IFT43: variants seen among roughly 807,000 people sequenced by gnomAD.
IFT43 encodes the protein intraflagellar transport protein 43 homolog.
Under a neutral mutation model 32.3 loss-of-function variants are expected in IFT43, and 33 were observed. That is an observed-to-expected ratio of 1.02 (90% CI 0.77 to 1.37). The LOEUF (loss-of-function observed/expected upper bound fraction) is 1.37, where lower values mean the gene tolerates loss of function less well. Among genes scored for constraint, IFT43 ranks in the 40% most tolerant of loss-of-function variants. The probability of loss-of-function intolerance (pLI) is 0.00; values close to 1 mark genes in which losing one functional copy is unlikely to be tolerated. For synonymous variants in IFT43, 93 were observed against 98.2 expected, an observed-to-expected ratio of 0.95 and a Z score of 0.31; for missense variants, 274 against 265.9, an observed-to-expected ratio of 1.03 and a Z score of -0.21.
chr14:76,041,982 C>T (rs938221368), intron 3 of IFT43, among the ~76,000 whole-genome samples: 6 of 152,008 alleles, frequency 3.9e-5, no homozygotes, highest in Non-Finnish European at 7.4e-5. Flanking sequence ...TTTTAGACAG[C>T]TCTAGACTTT....
intron 2 of IFT43, among the ~76,000 whole-genome samples, chr14:76,000,289 T>C (rs1298920721): frequency 7.8e-5 from 11 of 141,510 alleles, no homozygotes; most frequent in Non-Finnish European, 1.5e-4. Context: ...TTTTGAGATA[T>C]AGTCTTGCTC....
intron 5 of IFT43, among the ~76,000 whole-genome samples, chr14:76,060,896 CTT>C (rs2037122092): frequency 2.7e-5 from 4 of 146,450 alleles, no homozygotes; most frequent in Middle Eastern, 6.9e-3. Flanking sequence ...CCTCCCCTCT[CTT>C]TTCTTTTCTT....
At chr14:76,052,470 C>T (rs2140036022) in intron 3 of IFT43, among the ~76,000 whole-genome samples, 1 of 152,290 alleles carries the variant, frequency 6.6e-6, no homozygotes, top group African/African-American at 2.4e-5. Context: ...GTCATAACTA[C>T]CTGCTAGTCC....
At chr14:76,008,094 C>T (rs1485888433) in intron 2 of IFT43, among the ~76,000 whole-genome samples, 1 of 152,120 alleles carries the variant, frequency 6.6e-6, no homozygotes, top group African/African-American at 2.4e-5. Context: ...AAGTGCGACA[C>T]CAGTAGAGCA....
At chr14:76,054,714 A>G (rs2036979085) in intron 3 of IFT43, among the ~76,000 whole-genome samples, 1 of 152,210 alleles carries the variant, frequency 6.6e-6, no homozygotes, top group Non-Finnish European at 1.5e-5. Context: ...TTGGGGAAAA[A>G]GGCACAGGGG....
intron 2 of IFT43, among the ~76,000 whole-genome samples, chr14:75,997,977 C>T (rs2035779695): frequency 2.0e-5 from 3 of 152,188 alleles, no homozygotes; most frequent in Admixed American, 2.0e-4. Context: ...CAAAACAAAA[C>T]CCAAATCCTT....
At chr14:75,999,680 G>C (rs1351550058) in intron 2 of IFT43, among the ~76,000 whole-genome samples, 1 of 152,170 alleles carries the variant, frequency 6.6e-6, no homozygotes, top group African/African-American at 2.4e-5. Context: ...TCTTGAAGTG[G>C]GTTGACATGA....
At chr14:75,987,973 T>G (rs988857331) in intron 1 of IFT43, among the ~76,000 whole-genome samples, 3 of 152,236 alleles carry the variant, frequency 2.0e-5, no homozygotes, top group Admixed American at 1.3e-4. Flanking sequence ...AAAGCCTGTT[T>G]GATAATGATT....
At chr14:75,991,392 T>A (rs1012779180) in intron 2 of IFT43, among the ~76,000 whole-genome samples, 3 of 64,990 alleles carry the variant, frequency 4.6e-5, no homozygotes, top group Admixed American at 3.4e-4. Flanking sequence ...AACAAGAGTG[T>A]GTGTGTGTGT....
At chr14:76,023,332 A>C (rs1218342875) in intron 3 of IFT43, among the ~76,000 whole-genome samples, 1 of 152,102 alleles carries the variant, frequency 6.6e-6, no homozygotes, top group East Asian at 1.9e-4. Flanking sequence ...GTGGTTCCAT[A>C]TTGAGGGGCG....
intron 3 of IFT43, among the ~76,000 whole-genome samples, chr14:76,026,552 C>CA (rs58799745): frequency 0.43 from 36,434 of 84,306 alleles, 5,814 homozygotes; most frequent in South Asian, 0.45. Context: ...GAGTGAAACT[C>CA]AAAAAAAAAA....
intron 5 of IFT43, among the ~76,000 whole-genome samples, chr14:76,070,540 C>T (rs1218862352): frequency 1.3e-5 from 2 of 152,152 alleles, no homozygotes; most frequent in African/African-American, 4.8e-5. Flanking sequence ...AACCTGGTTC[C>T]TTGGCCTCCC....
chr14:75,999,277 A>C, intron 2 of IFT43, among the ~76,000 whole-genome samples: 1 of 18,710 alleles, frequency 5.3e-5, no homozygotes, highest in Non-Finnish European at 1.0e-4. Flanking sequence ...ATATATGTAT[A>C]TATATTTTTT....
At chr14:76,036,551 C>T (rs536615107) in intron 3 of IFT43, among the ~76,000 whole-genome samples, 27 of 151,750 alleles carry the variant, frequency 1.8e-4, no homozygotes, top group South Asian at 8.3e-4. Context: ...ACTACAGGCG[C>T]GCGCCACCAC....
At chr14:76,056,857 C>T (rs1451452894) in intron 3 of IFT43, among the ~76,000 whole-genome samples, 2 of 152,208 alleles carry the variant, frequency 1.3e-5, no homozygotes, top group Non-Finnish European at 2.9e-5. Context: ...GGTGCTCTTC[C>T]TTTAGGATTC....
chr14:76,052,770 A>G (rs2036939306), intron 3 of IFT43, among the ~76,000 whole-genome samples: 1 of 152,238 alleles, frequency 6.6e-6, no homozygotes, highest in Non-Finnish European at 1.5e-5. Context: ...CTTTTTTGCC[A>G]TGATGCACAC....
At chr14:76,022,541 A>T (rs895923832) in intron 3 of IFT43, 147 bp downstream of exon 3, 2 of 592,716 alleles carry the variant, frequency 3.4e-6, no homozygotes, top group East Asian at 2.8e-5. Context: ...GCACAATTTA[A>T]TCATTCTTAA....
chr14:76,049,276 C>T (rs1381977771), intron 3 of IFT43, among the ~76,000 whole-genome samples: 2 of 152,188 alleles, frequency 1.3e-5, no homozygotes, highest in Non-Finnish European at 2.9e-5. Context: ...TTCTTTTCCA[C>T]TAGCTTTCAC....
At chr14:76,063,882 T>C (rs984006862) in intron 5 of IFT43, among the ~76,000 whole-genome samples, 4 of 152,186 alleles carry the variant, frequency 2.6e-5, no homozygotes, top group African/African-American at 9.7e-5. Context: ...CATGCACTAA[T>C]CAGAAGCTAG....
Sources: allele counts gnomAD v4.1 joint callset (sites outside exome capture counted in the v4.1 genomes callset), GRCh38; gene constraint gnomAD v4.1.1; transcripts MANE v1.5; gene names NCBI Gene and HGNC (gene_info 2026-07-23, HGNC 2026-07-21).